The following UEVLD variants were observed in gnomAD, a reference collection of about 807,000 sequenced individuals.
UEVLD encodes the protein ubiquitin-conjugating enzyme E2 variant 3.
A neutral mutation model predicts 58.6 loss-of-function variants in UEVLD; 47 were observed. The ratio of observed to expected loss-of-function variants is 0.80; its 90% confidence interval spans 0.63 to 1.02. The LOEUF (loss-of-function observed/expected upper bound fraction) is 1.02, where lower values mean the gene tolerates loss of function less well. Ranked by LOEUF, UEVLD falls within the 50% of genes least tolerant of loss-of-function variation. UEVLD has a pLI of 0.00. For missense variants in UEVLD, 510 were observed against 550.6 expected, an observed-to-expected ratio of 0.93 and a Z score of 0.74; for synonymous variants, 197 against 195.3, an observed-to-expected ratio of 1.01 and a Z score of -0.07.
At position 18,565,900 on chromosome 11, in the gene UEVLD, C is replaced by CTTTT. The variant is rs1178580117; in HGVS notation, c.493+443_493+446dup. On this transcript the variant is annotated intron_variant, in intron 5 of 11. Coordinates refer to ENST00000396197, the MANE Select transcript of UEVLD (RefSeq NM_001040697.4). ...AAGGCAAAGGAATTACTTTTTTTTTCTTTTTTTTTTTTTTTTGAGATGGAG... is the reference window on the plus strand; with the variant it reads ...AAGGCAAAGGAATTACTTTTTTTTTCTTTTTTTTTTTTTTTTTTTTGAGATGGAG... Among the ~76,000 whole-genome samples the CTTTT allele has an allele frequency of 3.7e-5, 5 of 135,838 alleles. 1 individual carries two copies. Among genetic ancestry groups the CTTTT allele is most frequent in the Non-Finnish European group, 6.2e-5 (4 of 64,092 alleles). The allele number at this position is 135,838 out of a possible 152,430, so 89.1% of individuals were successfully genotyped here.
At chr11:18,587,788 G>A (rs1262437861) in intron 1 of UEVLD, 3 of 149,608 alleles carry the variant, frequency 2.0e-5, no homozygotes, top group African/African-American at 4.9e-5. Flanking sequence ...GGGGGACAGA[G>A]CAAGACTCTG....
intron 6 of UEVLD, among the ~76,000 whole-genome samples, chr11:18,561,330 A>T (rs186375741): frequency 1.3e-5 from 2 of 152,326 alleles, no homozygotes; most frequent in Admixed American, 1.3e-4. Flanking sequence ...ACGGTGGCTC[A>T]TGCCTGTAAT....
At chr11:18,588,525 A>C in intron 1 of UEVLD, 88 bp downstream of exon 1, 1 of 1,504,578 alleles carries the variant, frequency 6.6e-7, no homozygotes, top group Non-Finnish European at 9.0e-7. Flanking sequence ...CAAGCCGGGA[A>C]ACGCAAAACG....
chr11:18,577,605 T>C (rs1041530872), intron 2 of UEVLD, among the ~76,000 whole-genome samples: 3 of 152,098 alleles, frequency 2.0e-5, no homozygotes, highest in Non-Finnish European at 4.4e-5. Context: ...CACAGTGGCT[T>C]ACGCCTGTAA....
chr11:18,581,298 C>G (rs1853227576), intron 1 of UEVLD, among the ~76,000 whole-genome samples: 1 of 151,780 alleles, frequency 6.6e-6, no homozygotes, highest in Admixed American at 6.6e-5. Context: ...AGGCAGGAAA[C>G]TACAAATTGA....
chr11:18,573,328 C>T lies in UEVLD; in HGVS notation c.193+2019G>A, dbSNP rs140996126. The stretch of plus-strand genomic sequence containing the variant: ...AACACTGGGGTGGGTTAAGAATTAG[C>T]CTTTATCTCTCAGAATGAATCACCT... On this transcript the variant is annotated intron_variant, in intron 3 of 11. Coordinates refer to ENST00000396197, the MANE Select transcript of UEVLD (RefSeq NM_001040697.4). Among the ~76,000 whole-genome samples, 4 of 152,312 alleles carry T rather than the reference C, an allele frequency of 2.6e-5. No individual in the cohort carries two copies. In the East Asian group the frequency reaches 7.7e-4, roughly 29 times the overall value.
chr11:18,535,865 G>A (rs1284598499), intron 10 of UEVLD, among the ~76,000 whole-genome samples: 6 of 152,266 alleles, frequency 3.9e-5, no homozygotes, highest in East Asian at 1.9e-4. Context: ...GGCCTGGCAC[G>A]GTGGCTCACA....
intron 7 of UEVLD, among the ~76,000 whole-genome samples, chr11:18,556,819 G>A (rs1398590681): frequency 6.6e-6 from 1 of 152,062 alleles, no homozygotes; most frequent in Non-Finnish European, 1.5e-5. Context: ...AGGGCAGGGT[G>A]CGGTGGCTCA....
intron 7 of UEVLD, among the ~76,000 whole-genome samples, chr11:18,550,664 A>G (rs1025784591): frequency 1.3e-5 from 2 of 151,932 alleles, no homozygotes; most frequent in Non-Finnish European, 2.9e-5. Flanking sequence ...TGTCTGGACC[A>G]CTCTCTTGGC....
At chr11:18,553,016 A>G (rs374354734) in intron 7 of UEVLD, among the ~76,000 whole-genome samples, 3 of 151,874 alleles carry the variant, frequency 2.0e-5, no homozygotes, top group East Asian at 3.9e-4. Flanking sequence ...TTAGCCAGGC[A>G]TGGTGGCATG....
intron 3 of UEVLD, among the ~76,000 whole-genome samples, chr11:18,574,855 T>G (rs1338839340): frequency 6.6e-6 from 1 of 152,110 alleles, no homozygotes; most frequent in African/African-American, 2.4e-5. Context: ...CTATATCACA[T>G]AGAGAGGAAA....
intron 6 of UEVLD, among the ~76,000 whole-genome samples, chr11:18,558,582 A>C (rs1851864324): frequency 6.6e-6 from 1 of 152,022 alleles, no homozygotes; most frequent in South Asian, 2.1e-4. Context: ...TCAGGAGTTC[A>C]AGACCAGCCT....
At chr11:18,580,027 C>G (rs1041286756) in intron 1 of UEVLD, among the ~76,000 whole-genome samples, 1 of 147,074 alleles carries the variant, frequency 6.8e-6, no homozygotes, top group Non-Finnish European at 1.5e-5. Context: ...TATCAAAATC[C>G]CAGCTGGCTT....
At chr11:18,553,154 C>CAAAA (rs34297128) in intron 7 of UEVLD, among the ~76,000 whole-genome samples, 14 of 81,488 alleles carry the variant, frequency 1.7e-4, no homozygotes, top group East Asian at 3.6e-4. Flanking sequence ...GGTTCCGTCT[C>CAAAA]AAAAAAAAAA....
chr11:18,586,071 C>T (rs541907714), intron 1 of UEVLD, among the ~76,000 whole-genome samples: 2 of 152,318 alleles, frequency 1.3e-5, no homozygotes, highest in Admixed American at 1.3e-4. Flanking sequence ...AACTGACAAT[C>T]TTCACATCTA....
In UEVLD at chr11:18,546,886, G is replaced by C. The variant is rs1851323181; in HGVS notation, c.880C>G (p.Gln294Glu). The change falls in exon 8 of 12, where the codon CAA becomes GAA. Residue 294 changes from glutamine to glutamate, a missense_variant. Gln to Glu is a conservative substitution (Grantham distance 29, BLOSUM62 2). Coordinates refer to ENST00000396197, the MANE Select transcript of UEVLD (RefSeq NM_001040697.4). ...TTAAAATAAAGCATTTTACCTGGTT[G>C]AGATGCAACGAGCAGGACACTGTGT... ...SQHSVLLVASQPVEIMTYVTW... is the reference protein window; with the variant it reads ...SQHSVLLVASEPVEIMTYVTW... 6.2e-7 allele frequency: 1 copy of C among 1,612,436 alleles called. No individual in the cohort carries two copies. Among genetic ancestry groups the C allele is most frequent in the Admixed American group, 1.7e-5 (1 of 59,470 alleles).
At chr11:18,537,104 T>C (rs528186326) in intron 9 of UEVLD, among the ~76,000 whole-genome samples, 17 of 151,614 alleles carry the variant, frequency 1.1e-4, no homozygotes, top group African/African-American at 3.9e-4. Context: ...GTTCACCATG[T>C]TGGCCAGGCT....
chr11:18,545,572 G>A (rs1256050097), intron 8 of UEVLD, among the ~76,000 whole-genome samples: 9 of 152,056 alleles, frequency 5.9e-5, no homozygotes, highest in Non-Finnish European at 1.0e-4. Flanking sequence ...AGTCTCCCTA[G>A]TAGCTGGGAT....
At chr11:18,549,632 T>C (rs1851442693) in intron 7 of UEVLD, among the ~76,000 whole-genome samples, 1 of 151,992 alleles carries the variant, frequency 6.6e-6, no homozygotes, top group Admixed American at 6.6e-5. Flanking sequence ...TTGGCCAGGC[T>C]GGTCTCGAAC....
Sources: allele counts gnomAD v4.1 joint callset (sites outside exome capture counted in the v4.1 genomes callset), GRCh38; gene constraint gnomAD v4.1.1; transcripts MANE v1.5; gene names NCBI Gene and HGNC (gene_info 2026-07-23, HGNC 2026-07-21).